PCDHAC2: variants seen among roughly 807,000 people sequenced by gnomAD.
PCDHAC2 encodes the protein protocadherin alpha subfamily C, 2.
A neutral mutation model predicts 63.3 loss-of-function variants in PCDHAC2; 24 were observed. The observed-to-expected ratio is 0.38, with a 90% CI of 0.27 to 0.53. The LOEUF (loss-of-function observed/expected upper bound fraction) is 0.53. PCDHAC2 is among the 20% of genes least tolerant of loss of function. The probability of loss-of-function intolerance (pLI) is 0.81; values close to 1 mark genes in which losing one functional copy is unlikely to be tolerated. For missense variants in PCDHAC2, 1,181 were observed against 1,275.2 expected, an observed-to-expected ratio of 0.93 and a Z score of 1.12; for synonymous variants, 569 against 529.4, an observed-to-expected ratio of 1.07 and a Z score of -1.03.
chr5:141,011,890 A>G lies in PCDHAC2; in HGVS notation c.*1953A>G, dbSNP rs7701616. 0.061 allele frequency: 9,307 copies of G among 153,488 alleles called. 355 individuals carry two copies. The highest frequency in any genetic ancestry group is 0.11 in the South Asian group (541 of 4,828). The allele number at this position is 153,488 out of a possible 1,614,324, so 9.5% of individuals were successfully genotyped here. On this transcript the variant is annotated 3_prime_UTR_variant, in exon 4 of 4. Coordinates refer to ENST00000289269, the MANE Select transcript of PCDHAC2 (RefSeq NM_018899.6). ...GTACAATTTAGAAGTTTGATTAATT[A>G]TATTATCTATTTAGGCATTAATATA... is the stretch of plus-strand genomic sequence containing the variant.
intron 1 of PCDHAC2, among the ~76,000 whole-genome samples, chr5:140,973,235 A>C (rs1390895303): frequency 6.6e-6 from 1 of 152,218 alleles, no homozygotes; most frequent in Non-Finnish European, 1.5e-5. Context: ...GTGACCTGAA[A>C]GAGTTAATTC....
intron 1 of PCDHAC2, among the ~76,000 whole-genome samples, chr5:140,970,168 G>T (rs1050888983): frequency 6.6e-6 from 1 of 152,168 alleles, no homozygotes; most frequent in Non-Finnish European, 1.5e-5. Context: ...ACCTTTCTTG[G>T]CATACTCTGA....
Position 141,004,229 on chromosome 5 carries a change from T to G in PCDHAC2, c.2714-5398T>G, listed in dbSNP as rs368330742. On this transcript the variant is annotated intron_variant, in intron 3 of 3. Transcript: ENST00000289269. ...AGATTAGGAGGTCAGTCAGTGTTTG[T>G]CAGATCCTTAAGCTTTTGTTTTACT... Among the ~76,000 whole-genome samples, 5 of 152,250 alleles carry G rather than the reference T, an allele frequency of 3.3e-5. No individual in the cohort carries two copies. The East Asian group carries it at 7.7e-4, about 23-fold the overall frequency.
At position 141,010,411 on chromosome 5, in the gene PCDHAC2, G is replaced by A. The variant is rs1215041869; in HGVS notation, c.*474G>A. On this transcript the variant is annotated 3_prime_UTR_variant, in exon 4 of 4. Coordinates refer to ENST00000289269, the MANE Select transcript of PCDHAC2 (RefSeq NM_018899.6). Reference sequence around the variant, plus strand: ...TGAGACGAGCCAGCTTAGACTAATTGGTACAAGGAAGGCAAGAAAACAAAG... The same window carrying A: ...TGAGACGAGCCAGCTTAGACTAATTAGTACAAGGAAGGCAAGAAAACAAAG... The A allele has an allele frequency of 8.2e-7, 1 of 1,224,354 alleles. No individual in the cohort carries two copies. Among genetic ancestry groups the A allele is most frequent in the Admixed American group, 2.9e-5 (1 of 35,038 alleles). 75.8% of individuals were successfully genotyped at this position (1,224,354 alleles called of 1,614,324 possible).
intron 3 of PCDHAC2, among the ~76,000 whole-genome samples, chr5:141,000,180 T>G (rs2153962126): frequency 6.6e-6 from 1 of 151,688 alleles, no homozygotes; most frequent in South Asian, 2.1e-4. Flanking sequence ...AGCCAAGGAG[T>G]CAATGTGAGA....
chr5:140,976,812 G>A (rs2096732233), intron 1 of PCDHAC2, among the ~76,000 whole-genome samples: 1 of 152,178 alleles, frequency 6.6e-6, no homozygotes, highest in Non-Finnish European at 1.5e-5. Flanking sequence ...CTGAAGATAT[G>A]CATGTGTCTA....
At chr5:141,005,285 A>T (rs1285354488) in intron 3 of PCDHAC2, among the ~76,000 whole-genome samples, 1 of 152,218 alleles carries the variant, frequency 6.6e-6, no homozygotes, top group Non-Finnish European at 1.5e-5. Context: ...ATAAACAGAT[A>T]CATTTTTTGC....
At chr5:141,000,412 TATATATA>T (rs1563651366) in intron 3 of PCDHAC2, among the ~76,000 whole-genome samples, 7 of 102,770 alleles carry the variant, frequency 6.8e-5, no homozygotes, top group African/African-American at 2.7e-4. Context: ...TATATATATA[TATATATA>T]TATTTTTTTT....
At chr5:141,008,015 T>C (rs2098356412) in intron 3 of PCDHAC2, among the ~76,000 whole-genome samples, 1 of 152,088 alleles carries the variant, frequency 6.6e-6, no homozygotes. Flanking sequence ...TTCTGTTTCC[T>C]TTTTTTTCTT....
rs782453054 is a variant in PCDHAC2 at position 140,969,236 on chromosome 5, G to A, written c.2470G>A (p.Ala824Thr). The A allele has an allele frequency of 3.1e-6, 5 of 1,614,052 alleles. No individual in the cohort carries two copies. The highest frequency in any genetic ancestry group is 4.2e-6 in the Non-Finnish European group (5 of 1,180,042). Residue 824 changes from alanine to threonine, a missense_variant, in exon 1 of 4, where the codon GCA (alanine) becomes ACA (threonine). Ala to Thr is a moderately conservative substitution (Grantham distance 58). This residue lies in a region of PCDHAC2 where 968 missense variants were observed against 1,073.5 expected (regional missense o/e 0.90). Transcript: ENST00000289269. The part of the protein sequence containing the change: ...QTGPGPSGAQ[A>T]AVTDSRNLTG... ...AGGACCAGGGCCTTCGGGAGCCCAA[G>A]CAGCAGTGACTGACAGCAGGAATCT... is the stretch of plus-strand genomic sequence containing the variant.
intron 3 of PCDHAC2, among the ~76,000 whole-genome samples, chr5:140,996,553 A>C (rs868960335): frequency 1.3e-5 from 2 of 152,172 alleles, no homozygotes; most frequent in African/African-American, 2.4e-5. Flanking sequence ...TGCTGTCACT[A>C]TCTTGAAGTT....
Position 140,967,406 on chromosome 5 carries a change from G to A in PCDHAC2, c.640G>A (p.Gly214Ser). The A allele has an allele frequency of 6.2e-7, 1 of 1,613,006 alleles. No individual in the cohort carries two copies. The highest frequency in any genetic ancestry group is 8.5e-7 in the Non-Finnish European group (1 of 1,179,522). ...AGTGCTTGAGCTGGTGCTGCGTAAG[G>A]GCCTAGACCGGGAGCAGGCAGCCTT... ...SKVLELVLRK[G>S]LDREQAALHH... Residue 214 changes from glycine (G) to serine (S), a missense_variant, in exon 1 of 4, where the codon GGC (glycine) becomes AGC (serine). Gly to Ser is a moderately conservative substitution (Grantham distance 56, BLOSUM62 0). Around this residue, in one of 3 missense-constraint regions of PCDHAC2, gnomAD observed 968 missense variants for 1,073.5 expected, o/e 0.90. Transcript: ENST00000289269.
chr5:140,980,873 T>C (rs1586863406), intron 2 of PCDHAC2, among the ~76,000 whole-genome samples: 1 of 152,338 alleles, frequency 6.6e-6, no homozygotes, highest in East Asian at 1.9e-4. Context: ...TGCTTGGGTG[T>C]TCTCGGTCTT....
intron 3 of PCDHAC2, among the ~76,000 whole-genome samples, chr5:140,994,758 G>A (rs150618369): frequency 1.3e-5 from 2 of 152,248 alleles, no homozygotes; most frequent in East Asian, 3.9e-4. Flanking sequence ...GATGTGGAGA[G>A]GAAGAGAATT....
intron 1 of PCDHAC2, among the ~76,000 whole-genome samples, chr5:140,974,766 G>A (rs2096639663): frequency 6.6e-6 from 1 of 152,158 alleles, no homozygotes; most frequent in Non-Finnish European, 1.5e-5. Flanking sequence ...GGGATTACAG[G>A]TATGAGCCAC....
In PCDHAC2 at chr5:140,968,630, TA is replaced by T; in HGVS notation, c.1865del (p.Tyr622SerfsTer3). ...CTCTGGGCAAAATGCTTGGCTTTTT[TA>T]CCATCTAGCCCAGACTTCTGACCTG... ...SDSGQNAWLF[Y>X]HLAQTSDLDL... On this transcript the variant is annotated frameshift_variant, in exon 1 of 4. Transcript: ENST00000289269. LOFTEE classifies it high-confidence loss of function. The T allele has an allele frequency of 6.2e-7, 1 of 1,614,192 alleles. No individual in the cohort carries two copies. The highest frequency in any genetic ancestry group is 8.5e-7 in the Non-Finnish European group (1 of 1,180,042).
At position 140,966,651 on chromosome 5, in the gene PCDHAC2, C is replaced by A; in HGVS notation, c.-116C>A. On this transcript the variant is annotated 5_prime_UTR_variant, in exon 1 of 4. Coordinates refer to ENST00000289269, the MANE Select transcript of PCDHAC2 (RefSeq NM_018899.6). ...CCCCAGGCGCTTTCTAGAGCGTGAG[C>A]GGTGGGGGAGCAGGCGCAGGGTGGC... 8.6e-7 allele frequency: 1 copy of A among 1,159,980 alleles called. No homozygotes were observed. The highest frequency in any genetic ancestry group is 1.1e-6 in the Non-Finnish European group (1 of 883,840). 71.9% of individuals were successfully genotyped at this position (1,159,980 alleles called of 1,614,324 possible).
intron 3 of PCDHAC2, among the ~76,000 whole-genome samples, chr5:140,993,365 A>G (rs1207264244): frequency 1.3e-5 from 2 of 151,422 alleles, no homozygotes; most frequent in Admixed American, 6.6e-5. Flanking sequence ...CACAAAAACT[A>G]CCTCCCAGCC....
chr5:140,973,549 A>G (rs1040107774), intron 1 of PCDHAC2, among the ~76,000 whole-genome samples: 2 of 152,230 alleles, frequency 1.3e-5, no homozygotes, highest in Non-Finnish European at 2.9e-5. Context: ...ATTTATTTCA[A>G]TTACCTCTTT....
Sources: gnomAD v4.1 joint callset for allele counts (sites outside exome capture counted in the v4.1 genomes callset) on GRCh38, gnomAD v4.1.1 for gene constraint, gnomAD v4.1.1 regional missense constraint, MANE v1.5 for transcripts, NCBI Gene and HGNC (gene_info 2026-07-23, HGNC 2026-07-21) for gene names.